Variants in SYT16 observed in about 807,000 individuals in gnomAD.
SYT16 encodes synaptotagmin 16.
Under a neutral mutation model 61.4 loss-of-function variants are expected in SYT16, and 42 were observed. The ratio of observed to expected loss-of-function variants is 0.68; its 90% CI spans 0.53 to 0.89. The LOEUF (loss-of-function observed/expected upper bound fraction) is 0.89, where lower values mean the gene tolerates loss of function less well. Among genes scored for constraint, SYT16 ranks in the 40% least tolerant of loss-of-function variants. The pLI is 0.00. For synonymous variants in SYT16, 314 were observed against 302.3 expected, an observed-to-expected ratio of 1.04 and a Z score of -0.40; for missense variants, 804 against 807.3, an observed-to-expected ratio of 1.00 and a Z score of 0.05.
At chr14:61,822,108 T>C (rs1332899896) in intron 1 of SYT16, among the ~76,000 whole-genome samples, 1 of 152,178 alleles carries the variant, frequency 6.6e-6, no homozygotes, top group Non-Finnish European at 1.5e-5. Context: ...CATGGCTCAG[T>C]CCAATTCCGA....
intron 1 of SYT16, among the ~76,000 whole-genome samples, chr14:61,813,250 G>A (rs1219173246): frequency 1.4e-4 from 21 of 152,276 alleles, no homozygotes; most frequent in Admixed American, 1.3e-3. Context: ...CGGCTGCCCG[G>A]TGGCCCACGG....
In SYT16 at chr14:62,100,472, A is replaced by G. The variant is rs1240323050; in HGVS notation, c.1703A>G (p.Gln568Arg). 1 of 1,613,550 alleles carries G rather than the reference A, an allele frequency of 6.2e-7. No homozygotes were observed. The highest frequency in any genetic ancestry group is 1.1e-5 in the South Asian group (1 of 90,992). Residue 568 changes from glutamine (Q) to arginine (R), a missense_variant, in exon 8 of 8, where the codon CAG (glutamine) becomes CGG (arginine). By Grantham distance (43) the Gln-to-Arg change is conservative. Coordinates refer to ENST00000683842, the MANE Select transcript of SYT16 (RefSeq NM_001367656.1). ...TGCAAGACGTCCATTCGGCGTGGTC[A>G]GCCCAATCCTGTCTATAAGGAGACC... The part of the protein sequence containing the change: ...SRCKTSIRRG[Q>R]PNPVYKETFV...
chr14:62,047,669 GA>G (rs1357233296), intron 3 of SYT16, among the ~76,000 whole-genome samples: 2 of 66,990 alleles, frequency 3.0e-5, no homozygotes, highest in African/African-American at 6.8e-4. Context: ...AATTTATTGA[GA>G]GTTTTTACCA....
At chr14:62,093,736 T>C (rs1566843344) in intron 7 of SYT16, among the ~76,000 whole-genome samples, 1 of 152,162 alleles carries the variant, frequency 6.6e-6, no homozygotes, top group Non-Finnish European at 1.5e-5. Flanking sequence ...AAAATTACGA[T>C]TATCTCAATA....
intron 1 of SYT16, among the ~76,000 whole-genome samples, chr14:61,926,983 A>G (rs1251053519): frequency 6.6e-6 from 1 of 152,204 alleles, no homozygotes; most frequent in Admixed American, 6.5e-5. Context: ...ATCCTGTAAC[A>G]AAGACTCAGC....
At chr14:62,041,525 G>A (rs1354764206) in intron 3 of SYT16, among the ~76,000 whole-genome samples, 1 of 151,920 alleles carries the variant, frequency 6.6e-6, no homozygotes, top group Non-Finnish European at 1.5e-5. Flanking sequence ...TTTATTTTTT[G>A]AGATGGAGTC....
At chr14:61,930,973 A>T (rs1248520369) in intron 1 of SYT16, among the ~76,000 whole-genome samples, 1 of 152,152 alleles carries the variant, frequency 6.6e-6, no homozygotes, top group Admixed American at 6.5e-5. Flanking sequence ...CCCATTTTGG[A>T]CTTCTGACCT....
intron 3 of SYT16, among the ~76,000 whole-genome samples, chr14:62,017,788 A>G (rs571604133): frequency 6.6e-6 from 1 of 151,422 alleles, no homozygotes; most frequent in Admixed American, 6.6e-5. Flanking sequence ...TGGTGCGGTC[A>G]TAGCTCACGG....
intron 1 of SYT16, among the ~76,000 whole-genome samples, chr14:61,823,604 T>G (rs1181075456): frequency 6.8e-6 from 1 of 147,108 alleles, no homozygotes; most frequent in Non-Finnish European, 1.5e-5. Context: ...AAAGAAGAAT[T>G]AGCTAGGTGT....
At chr14:61,925,068 G>A (rs1349487886) in intron 1 of SYT16, among the ~76,000 whole-genome samples, 1 of 152,174 alleles carries the variant, frequency 6.6e-6, no homozygotes, top group Non-Finnish European at 1.5e-5. Flanking sequence ...GCTGGGAAGC[G>A]CCCTCTTGAT....
At chr14:61,935,700 G>T (rs1191669834) in intron 1 of SYT16, among the ~76,000 whole-genome samples, 5 of 152,190 alleles carry the variant, frequency 3.3e-5, no homozygotes, top group African/African-American at 1.2e-4. Context: ...ACCTGGATGT[G>T]TCCCATGTGG....
chr14:62,042,896 C>G (rs981042020), intron 3 of SYT16, among the ~76,000 whole-genome samples: 5 of 152,066 alleles, frequency 3.3e-5, no homozygotes, highest in Non-Finnish European at 7.4e-5. Flanking sequence ...ATAGGACTTA[C>G]CTTTCTCATT....
intron 1 of SYT16, among the ~76,000 whole-genome samples, chr14:61,852,232 T>C (rs2046639616): frequency 6.6e-6 from 1 of 152,144 alleles, no homozygotes; most frequent in Non-Finnish European, 1.5e-5. Context: ...TGGTTGTAGG[T>C]GTGCAGTCTT....
intron 1 of SYT16, among the ~76,000 whole-genome samples, chr14:61,899,532 T>C (rs2048437182): frequency 6.6e-6 from 1 of 152,186 alleles, no homozygotes; most frequent in African/African-American, 2.4e-5. Flanking sequence ...AGTGAATAAA[T>C]TTGAAAGGTA....
chr14:62,112,653 C>A (rs1171933736), downstream of SYT16: 5 of 152,098 alleles, frequency 3.3e-5, no homozygotes, highest in Non-Finnish European at 7.4e-5. Context: ...TTAGTATATA[C>A]AAAAACCATT....
chr14:61,877,384 A>T (rs1350974842), intron 1 of SYT16, among the ~76,000 whole-genome samples: 1 of 151,728 alleles, frequency 6.6e-6, no homozygotes, highest in African/African-American at 2.4e-5. Context: ...AAGTATGAGG[A>T]CTCCACTTCC....
At chr14:61,961,902 G>T (rs570513729) in intron 1 of SYT16, among the ~76,000 whole-genome samples, 1 of 152,280 alleles carries the variant, frequency 6.6e-6, no homozygotes, top group African/African-American at 2.4e-5. Flanking sequence ...TAAAGAAAAT[G>T]TGGTACATAT....
At chr14:61,938,228 T>C (rs1566697327) in intron 1 of SYT16, among the ~76,000 whole-genome samples, 1 of 152,096 alleles carries the variant, frequency 6.6e-6, no homozygotes, top group Admixed American at 6.6e-5. Flanking sequence ...CTTATCTGCT[T>C]CCCTGGTGTT....
chr14:61,887,639 C>T (rs1167422938), intron 1 of SYT16, among the ~76,000 whole-genome samples: 2 of 152,230 alleles, frequency 1.3e-5, no homozygotes, highest in African/African-American at 4.8e-5. Flanking sequence ...CTTTGCCTTG[C>T]ACTTTTATAT....
Sources: allele counts gnomAD v4.1 joint callset (sites outside exome capture counted in the v4.1 genomes callset), GRCh38; gene constraint gnomAD v4.1.1; transcripts MANE v1.5; gene names NCBI Gene and HGNC (gene_info 2026-07-23, HGNC 2026-07-21).